ERC2: variants seen among roughly 807,000 people sequenced by gnomAD.
ERC2 encodes ELKS/RAB6-interacting/CAST family member 2, also known as ERC protein 2.
In ERC2, 42 loss-of-function variants were observed where a neutral mutation model predicts 114.8. That is an observed-to-expected ratio of 0.37 (90% CI 0.29 to 0.47). The LOEUF is 0.47. Among genes scored for constraint, ERC2 ranks in the 20% least tolerant of loss-of-function variants. The probability of loss-of-function intolerance (pLI) is 0.99; values close to 1 mark genes in which losing one functional copy is unlikely to be tolerated. For missense variants in ERC2, 939 were observed against 1,150.7 expected (o/e 0.82, Z 2.66); for synonymous variants, 454 against 425.5 (o/e 1.07, Z -0.82).
intron 17 of ERC2, among the ~76,000 whole-genome samples, chr3:55,672,491 C>G (rs530472370): frequency 1.3e-5 from 2 of 152,222 alleles, no homozygotes; most frequent in African/African-American, 4.8e-5. Context: ...ATCTGTATAG[C>G]CCTGGACAAA....
intron 14 of ERC2, among the ~76,000 whole-genome samples, chr3:55,885,778 T>G (rs1019782288): frequency 4.6e-5 from 7 of 152,192 alleles, no homozygotes; most frequent in African/African-American, 1.7e-4. Context: ...ATATATCATT[T>G]TCTGTGTGCC....
intron 7 of ERC2, among the ~76,000 whole-genome samples, chr3:56,079,846 C>T (rs904134545): frequency 2.6e-5 from 4 of 152,066 alleles, no homozygotes; most frequent in Non-Finnish European, 5.9e-5. Flanking sequence ...CTGTAGGAAA[C>T]ATGACAAGAA....
rs866810792 is a variant in ERC2 at position 56,230,931 on chromosome 3, A to G, written c.1075-57411T>C. On this transcript the variant is annotated intron_variant, in intron 3 of 17. Transcript: ENST00000288221. The stretch of plus-strand genomic sequence containing the variant: ...TCACCCAAGTGATAAGAAAATTAAA[A>G]ATAGGATTAAAATATGCATCAGGTG... 4.6e-5 allele frequency among the ~76,000 whole-genome samples: 7 copies of G among 152,248 alleles called. No individual in the cohort carries two copies. In the South Asian group the frequency reaches 1.4e-3, roughly 31 times the overall value.
chr3:55,849,407 T>C (rs979237544), intron 14 of ERC2, among the ~76,000 whole-genome samples: 3 of 152,214 alleles, frequency 2.0e-5, no homozygotes, highest in South Asian at 4.1e-4. Context: ...ACCCTGGACC[T>C]GTGGTTTCTC....
At chr3:55,982,297 C>G (rs977501017) in intron 12 of ERC2, among the ~76,000 whole-genome samples, 12 of 152,258 alleles carry the variant, frequency 7.9e-5, no homozygotes, top group African/African-American at 2.9e-4. Context: ...AAGATCCCAT[C>G]TGTAAATCAA....
chr3:56,088,980 G>C (rs1454719202), intron 6 of ERC2, among the ~76,000 whole-genome samples: 1 of 152,170 alleles, frequency 6.6e-6, no homozygotes, highest in Non-Finnish European at 1.5e-5. Context: ...CTCAGGAAGA[G>C]TGGAGAACCA....
chr3:56,229,499 T>C (rs936493057), intron 3 of ERC2, among the ~76,000 whole-genome samples: 2 of 152,172 alleles, frequency 1.3e-5, no homozygotes, highest in African/African-American at 2.4e-5. Context: ...CAGGACAAAC[T>C]GTAAGAGCTA....
In ERC2 at chr3:56,291,682, C is replaced by T. The variant is rs1034316589; in HGVS notation, c.1074+4337G>A. Among the ~76,000 whole-genome samples, 3 of 152,142 alleles carry T rather than the reference C, an allele frequency of 2.0e-5. No homozygotes were observed. The East Asian group carries it at 5.8e-4, about 29-fold the overall frequency. ...CATAATGAAAATGAAATCAGGAACA[C>T]ACTGAACCTAAAACCTCAAGTACAT... On this transcript the variant is annotated intron_variant, in intron 3 of 17. Coordinates refer to ENST00000288221, the MANE Select transcript of ERC2 (RefSeq NM_015576.3).
rs530925167 is a variant in ERC2 at position 55,571,403 on chromosome 3, C to G, written c.*40-60127G>C. On this transcript the variant is annotated intron_variant, in intron 17 of 17. Coordinates refer to ENST00000288221, the MANE Select transcript of ERC2 (RefSeq NM_015576.3). ...ATGCAAACCAATCAATCCAAAGCCC[C>G]GACCCCAACCACTTCCTCCCTTCTG... 2.0e-5 allele frequency among the ~76,000 whole-genome samples: 3 copies of G among 152,224 alleles called. No individual in the cohort carries two copies. In the South Asian group the frequency reaches 6.2e-4, roughly 32 times the overall value.
intron 12 of ERC2, among the ~76,000 whole-genome samples, chr3:55,980,051 T>C (rs1425462908): frequency 6.7e-6 from 1 of 148,484 alleles, no homozygotes; most frequent in Non-Finnish European, 1.5e-5. Context: ...AAACTAAAGT[T>C]CTTATGCAAA....
intron 17 of ERC2, among the ~76,000 whole-genome samples, chr3:55,570,179 T>C (rs1318285312): frequency 6.6e-6 from 1 of 152,106 alleles, no homozygotes; most frequent in Non-Finnish European, 1.5e-5. Context: ...TTATATTCAT[T>C]GAGTCTCTCC....
At chr3:55,709,685 A>G (rs937001725) in intron 15 of ERC2, among the ~76,000 whole-genome samples, 4 of 152,192 alleles carry the variant, frequency 2.6e-5, no homozygotes, top group African/African-American at 9.7e-5. Context: ...GGAAGGGCAT[A>G]AACCTCCCAG....
intron 2 of ERC2, among the ~76,000 whole-genome samples, chr3:56,395,806 T>A (rs1346435589): frequency 6.6e-6 from 1 of 152,176 alleles, no homozygotes; most frequent in Non-Finnish European, 1.5e-5. Flanking sequence ...GACAAAATGT[T>A]AAAAGGGAAA....
intron 14 of ERC2, among the ~76,000 whole-genome samples, chr3:55,845,503 CAAAAAAA>C (rs764740068): frequency 4.7e-5 from 3 of 64,036 alleles, no homozygotes; most frequent in East Asian, 5.1e-4. Context: ...GACTCCGTCT[CAAAAAAA>C]AAAAAAAAAA....
intron 6 of ERC2, among the ~76,000 whole-genome samples, chr3:56,095,299 A>T (rs1442673887): frequency 6.6e-6 from 1 of 152,140 alleles, no homozygotes; most frequent in Non-Finnish European, 1.5e-5. Flanking sequence ...CCTTCTTTTT[A>T]TTCATAGGGT....
intron 13 of ERC2, among the ~76,000 whole-genome samples, chr3:55,890,919 GCAAA>G (rs1257839397): frequency 1.3e-5 from 2 of 152,132 alleles, no homozygotes; most frequent in Non-Finnish European, 2.9e-5. Flanking sequence ...GTAACTTTTT[GCAAA>G]CAATCACTAT....
intron 13 of ERC2, among the ~76,000 whole-genome samples, chr3:55,921,319 G>A (rs183408149): frequency 8.7e-4 from 132 of 152,148 alleles, no homozygotes; most frequent in East Asian, 1.5e-3. Context: ...TCCTTATTAT[G>A]GTGTTGGTGT....
intron 17 of ERC2, among the ~76,000 whole-genome samples, chr3:55,578,350 C>T (rs186959437): frequency 1.1e-4 from 17 of 152,302 alleles, no homozygotes; most frequent in African/African-American, 3.8e-4. Context: ...CCCTAAAGCC[C>T]ACCTCGGGGC....
At chr3:56,406,083 T>C (rs2060714711) in intron 2 of ERC2, among the ~76,000 whole-genome samples, 2 of 151,848 alleles carry the variant, frequency 1.3e-5, no homozygotes, top group Admixed American at 6.6e-5. Flanking sequence ...AGTAGAGACG[T>C]GGTTGTGCCA....
Sources: gnomAD v4.1 joint callset for allele counts (sites outside exome capture counted in the v4.1 genomes callset) on GRCh38, gnomAD v4.1.1 for gene constraint, MANE v1.5 for transcripts, NCBI Gene and HGNC (gene_info 2026-07-23, HGNC 2026-07-21) for gene names.